ANO3: variants seen among roughly 807,000 people sequenced by gnomAD.
The protein encoded by ANO3 is anoctamin 3.
Under a neutral mutation model 144.8 loss-of-function variants are expected in ANO3, and 99 were observed. The observed-to-expected ratio is 0.68, with a 90% confidence interval of 0.58 to 0.81. The LOEUF is 0.81. Among genes scored for constraint, ANO3 ranks in the 30% least tolerant of loss-of-function variants. ANO3 has a pLI of 0.00. For synonymous variants in ANO3, 414 were observed against 392.6 expected (o/e 1.05, Z -0.64); for missense variants, 905 against 1,202.2 (o/e 0.75, Z 3.66).
At chr11:26,237,310 A>G (rs910051684) in intron 1 of ANO3, among the ~76,000 whole-genome samples, 1 of 151,986 alleles carries the variant, frequency 6.6e-6, no homozygotes, top group Non-Finnish European at 1.5e-5. Flanking sequence ...TCAAATAGTT[A>G]TTTTTTCCAC....
chr11:26,633,773 C>T (rs2133040172), intron 18 of ANO3, among the ~76,000 whole-genome samples: 1 of 152,186 alleles, frequency 6.6e-6, no homozygotes, highest in East Asian at 1.9e-4. Flanking sequence ...AAACTAAGTG[C>T]CTCATAGAAC....
chr11:26,375,142 GGATGATGGGTGACAGTGACA>G (rs1856370479), intron 1 of ANO3, among the ~76,000 whole-genome samples: 1 of 152,256 alleles, frequency 6.6e-6, no homozygotes, highest in Non-Finnish European at 1.5e-5. Context: ...TCTCATCTGG[GGATGATGGGTGACAGTGACA>G]GATCATCAGA....
At chr11:26,343,488 G>A (rs1173836133) in intron 1 of ANO3, among the ~76,000 whole-genome samples, 1 of 152,084 alleles carries the variant, frequency 6.6e-6, no homozygotes, top group Admixed American at 6.6e-5. Flanking sequence ...TAATGGCTGT[G>A]CCAATTTACA....
At chr11:26,642,326 T>TTTTC (rs1379939002) in intron 22 of ANO3, among the ~76,000 whole-genome samples, 3 of 145,804 alleles carry the variant, frequency 2.1e-5, no homozygotes, top group African/African-American at 5.0e-5. Flanking sequence ...TTCTTTTCCT[T>TTTTC]TTTCTTTCTT....
At chr11:26,345,543 C>T (rs1416387989) in intron 1 of ANO3, among the ~76,000 whole-genome samples, 3 of 152,164 alleles carry the variant, frequency 2.0e-5, no homozygotes, top group Non-Finnish European at 4.4e-5. Context: ...CAGAGTGAGA[C>T]TCCATCTCAA....
chr11:26,292,849 G>T (rs978823823), intron 1 of ANO3, among the ~76,000 whole-genome samples: 40 of 152,272 alleles, frequency 2.6e-4, no homozygotes, highest in Non-Finnish European at 4.7e-4. Flanking sequence ...GGCCCCTACT[G>T]GGAGGTGTCT....
intron 1 of ANO3, among the ~76,000 whole-genome samples, chr11:26,303,052 G>A (rs974590090): frequency 6.6e-6 from 1 of 152,198 alleles, no homozygotes; most frequent in African/African-American, 2.4e-5. Flanking sequence ...ACAAATGCTA[G>A]TGAGGCTTCA....
intron 10 of ANO3, 69 bp downstream of exon 10, chr11:26,537,530 G>A: frequency 7.6e-7 from 1 of 1,323,360 alleles, no homozygotes; most frequent in Non-Finnish European, 1.1e-6. Flanking sequence ...CCTGTTGTTT[G>A]CATTTGAATC....
intron 12 of ANO3, among the ~76,000 whole-genome samples, chr11:26,550,730 G>A (rs568872326): frequency 6.6e-6 from 1 of 151,900 alleles, no homozygotes; most frequent in Admixed American, 6.6e-5. Context: ...TGAAATAAAT[G>A]TGGGAGTGCA....
chr11:26,482,752 A>T (rs928184942), intron 4 of ANO3, among the ~76,000 whole-genome samples: 3 of 151,240 alleles, frequency 2.0e-5, no homozygotes, highest in African/African-American at 7.3e-5. Context: ...CTCATTTCTC[A>T]CTCCCCTTCT....
chr11:26,458,509 ATTG>A (rs1320432398), intron 3 of ANO3, among the ~76,000 whole-genome samples: 1 of 152,120 alleles, frequency 6.6e-6, no homozygotes, highest in Non-Finnish European at 1.5e-5. Context: ...TTACATTTAT[ATTG>A]TTTTACAAAG....
Position 26,563,025 on chromosome 11 carries a change from G to A in ANO3, c.1447+3246G>A, listed in dbSNP as rs1035406964. ...TTTGTTCATTCATATGAATTCTTTTGGAATTACCTTCTAGGCAATGCAGTG... is the reference window on the plus strand; with the variant it reads ...TTTGTTCATTCATATGAATTCTTTTAGAATTACCTTCTAGGCAATGCAGTG... On this transcript the variant is annotated intron_variant, in intron 14 of 26. Coordinates refer to ENST00000256737, the MANE Select transcript of ANO3 (RefSeq NM_031418.4). 7.4e-6 allele frequency: 11 copies of A among 1,481,242 alleles called. No individual in the cohort carries two copies. In the Admixed American group the frequency reaches 1.4e-4, roughly 19 times the overall value. 91.8% of individuals were successfully genotyped at this position (1,481,242 alleles called of 1,614,324 possible). A position where few individuals can be genotyped will look rare whatever the true frequency, so the allele number is the denominator to read the frequency against.
chr11:26,292,995 G>A lies in ANO3; in HGVS notation c.155-16650G>A, dbSNP rs113596836. On this transcript the variant is annotated intron_variant, in intron 1 of 27. Coordinates refer to the ANO3 transcript ENST00000672621. ...AATGCAGAAATCACCCATCTTCTGC[G>A]TCACTCATGTTGGGAACTGTAGACT... Among the ~76,000 whole-genome samples, 414 of 152,200 alleles carry A rather than the reference G, an allele frequency of 2.7e-3. 2 individuals are homozygous for A. Among genetic ancestry groups the A allele is most frequent in the African/African-American group, 9.4e-3 (389 of 41,526 alleles).
In ANO3 at chr11:26,454,133, C is replaced by T. The variant is rs1034464073; in HGVS notation, c.314-8897C>T. Among the ~76,000 whole-genome samples, 253 of 151,722 alleles carry T rather than the reference C, an allele frequency of 1.7e-3. 2 individuals are homozygous for T. Among genetic ancestry groups the T allele is most frequent in the African/African-American group, 5.8e-3 (238 of 41,344 alleles). On this transcript the variant is annotated intron_variant, in intron 3 of 26. Coordinates refer to ENST00000256737, the MANE Select transcript of ANO3 (RefSeq NM_031418.4). ...CCCACAAGAGAAAGCAGGAAAGATC[C>T]AAAATTGACACCCTAACATCACAAT...
At chr11:26,587,268 G>A (rs894665087) in intron 14 of ANO3, among the ~76,000 whole-genome samples, 1 of 152,094 alleles carries the variant, frequency 6.6e-6, no homozygotes, top group African/African-American at 2.4e-5. Context: ...TTGAAATTTG[G>A]GTGTGTCTAG....
At chr11:26,243,546 G>C (rs189057361) in intron 1 of ANO3, among the ~76,000 whole-genome samples, 26 of 152,186 alleles carry the variant, frequency 1.7e-4, no homozygotes, top group African/African-American at 6.3e-4. Context: ...CTTTTATTTG[G>C]TTGACTAAGG....
At chr11:26,200,558 C>A (rs1043556880) in intron 1 of ANO3, among the ~76,000 whole-genome samples, 2 of 152,100 alleles carry the variant, frequency 1.3e-5, no homozygotes, top group Non-Finnish European at 2.9e-5. Flanking sequence ...ACAAGGCCAA[C>A]GTGGTTTATG....
chr11:26,375,708 G>A (rs1856387580), intron 1 of ANO3, among the ~76,000 whole-genome samples: 1 of 152,076 alleles, frequency 6.6e-6, no homozygotes, highest in Non-Finnish European at 1.5e-5. Context: ...GGAGAGCCAA[G>A]ATATATATGC....
intron 7 of ANO3, among the ~76,000 whole-genome samples, chr11:26,530,486 TATCTATCTATCTATC>T (rs144273883): frequency 0.48 from 57,839 of 120,580 alleles, 12,077 homozygotes; most frequent in East Asian, 0.63. Context: ...TCTATCTATC[TATCTATCTATCTATC>T]ATCTATCTAT....
Sources: gnomAD v4.1 joint callset for allele counts (sites outside exome capture counted in the v4.1 genomes callset) on GRCh38, gnomAD v4.1.1 for gene constraint, MANE v1.5 for transcripts, NCBI Gene and HGNC (gene_info 2026-07-23, HGNC 2026-07-21) for gene names.